Variants in PKD1L1 observed in about 807,000 individuals in gnomAD.
PKD1L1 encodes polycystin-1-like protein 1.
Under a neutral mutation model 323.4 loss-of-function variants are expected in PKD1L1, and 236 were observed. That is an observed-to-expected ratio of 0.73 (90% CI 0.66 to 0.81). The LOEUF (loss-of-function observed/expected upper bound fraction) is 0.81. Ranked by LOEUF, PKD1L1 falls within the 40% of genes least tolerant of loss-of-function variation. PKD1L1 has a pLI of 0.00. For synonymous variants in PKD1L1, 1,344 were observed against 1,335.0 expected, an observed-to-expected ratio of 1.01 and a Z score of -0.15; for missense variants, 3,320 against 3,508.0, an observed-to-expected ratio of 0.95 and a Z score of 1.35.
Position 47,932,030 on chromosome 7 carries a change from A to G in PKD1L1, c.425T>C (p.Ile142Thr), listed in dbSNP as rs755677864. The G allele has an allele frequency of 1.9e-6, 3 of 1,611,860 alleles. No individual in the cohort carries two copies. In the East Asian group the frequency reaches 6.7e-5, roughly 36 times the overall value. Residue 142 changes from isoleucine (I) to threonine (T), a missense_variant, in exon 5 of 57, where the codon ATC becomes ACC. Coordinates refer to ENST00000289672, the MANE Select transcript of PKD1L1 (RefSeq NM_138295.5). ...GCCACCACTGCTCCAGGCCCTTGCG[A>G]TTATAATGAAAGGTTTGTGGGGAAT... is the stretch of plus-strand genomic sequence containing the variant. ...DRIPHKPFII[I>T]ARAWSSGGPR...
chr7:47,783,873 T>C (rs1786750363), intron 56 of PKD1L1, among the ~76,000 whole-genome samples: 1 of 152,180 alleles, frequency 6.6e-6, no homozygotes, highest in Non-Finnish European at 1.5e-5. Context: ...TGGGAAATAA[T>C]TGTAGTTTGC....
chr7:47,960,388 A>AAACAC, the PKD1L1 span, among the ~76,000 whole-genome samples: 3 of 132,304 alleles, frequency 2.3e-5, no homozygotes, highest in African/African-American at 8.0e-5. Flanking sequence ...AAAAAAAAAA[A>AAACAC]AAAAAACTGT....
At chr7:47,852,175 T>C (rs1028992920) in intron 31 of PKD1L1, among the ~76,000 whole-genome samples, 15 of 152,176 alleles carry the variant, frequency 9.9e-5, no homozygotes, top group Admixed American at 3.3e-4. Context: ...CACCCACATG[T>C]GCACACCTGT....
intron 53 of PKD1L1, among the ~76,000 whole-genome samples, chr7:47,801,995 T>C (rs965639248): frequency 6.6e-6 from 1 of 151,832 alleles, no homozygotes; most frequent in African/African-American, 2.4e-5. Flanking sequence ...ATCGAGACCA[T>C]CCTGGCTAAC....
the PKD1L1 span, among the ~76,000 whole-genome samples, chr7:47,960,394 A>AC: frequency 4.4e-5 from 5 of 112,364 alleles, no homozygotes; most frequent in East Asian, 2.8e-4. Flanking sequence ...AAAAAAAAAA[A>AC]CTGTAAAAAA....
chr7:47,884,184 AGGC>A (rs1786629438), intron 19 of PKD1L1, among the ~76,000 whole-genome samples: 2 of 139,272 alleles, frequency 1.4e-5, no homozygotes, highest in African/African-American at 5.4e-5. Context: ...GTTGGGGGGA[AGGC>A]GGGGGGAGTG....
Position 47,939,508 on chromosome 7 carries a change from G to T in PKD1L1, c.285+685C>A, listed in dbSNP as rs143284641. ...ACTCAGAAGTTTTCACTCTTCTCTCGGACCCCACCCACAGATGTGAGAGTC... is the reference window on the plus strand; with the variant it reads ...ACTCAGAAGTTTTCACTCTTCTCTCTGACCCCACCCACAGATGTGAGAGTC... On this transcript the variant is annotated intron_variant, in intron 3 of 56. Transcript: ENST00000289672. Among the ~76,000 whole-genome samples the T allele has an allele frequency of 3.0e-3, 455 of 152,100 alleles. 4 individuals are homozygous for T. Among genetic ancestry groups the T allele is most frequent in the African/African-American group, 0.01 (422 of 41,470 alleles).
intron 21 of PKD1L1, among the ~76,000 whole-genome samples, chr7:47,879,888 G>T (rs1583642584): frequency 1.5e-5 from 1 of 64,656 alleles, no homozygotes; most frequent in South Asian, 4.5e-4. Context: ...AGCCAAGATC[G>T]GGCCACTGCA....
chr7:47,792,525 G>C, intron 56 of PKD1L1, 102 bp downstream of exon 56: 1 of 1,164,522 alleles, frequency 8.6e-7, no homozygotes, highest in South Asian at 1.6e-5. Flanking sequence ...GAATATTTAT[G>C]CAAATGGACC....
chr7:47,857,159 G>T (rs1785923339), intron 28 of PKD1L1, among the ~76,000 whole-genome samples: 1 of 152,192 alleles, frequency 6.6e-6, no homozygotes, highest in African/African-American at 2.4e-5. Flanking sequence ...GAGGATGGGG[G>T]GTAAGCACTG....
chr7:47,941,891 T>C (rs190479651), intron 2 of PKD1L1, among the ~76,000 whole-genome samples: 1 of 152,290 alleles, frequency 6.6e-6, no homozygotes, highest in Admixed American at 6.5e-5. Flanking sequence ...ATAAAGTATG[T>C]CACAAAAGGA....
intron 46 of PKD1L1, among the ~76,000 whole-genome samples, chr7:47,820,496 G>A (rs982383563): frequency 4.6e-5 from 7 of 152,112 alleles, no homozygotes; most frequent in Admixed American, 4.6e-4. Context: ...AGGCCGAGGC[G>A]GGTGGATCAC....
intron 23 of PKD1L1, among the ~76,000 whole-genome samples, chr7:47,875,103 C>A (rs1256115236): frequency 9.9e-5 from 15 of 152,178 alleles, no homozygotes; most frequent in Admixed American, 9.8e-4. Context: ...TCACATAACC[C>A]CGTACGCAGC....
At chr7:47,882,770 G>A (rs1583645787) in intron 19 of PKD1L1, among the ~76,000 whole-genome samples, 1 of 152,274 alleles carries the variant, frequency 6.6e-6, no homozygotes, top group East Asian at 1.9e-4. Context: ...ACAGCCACGG[G>A]CTTTTGTCCT....
At chr7:47,829,671 C>T in intron 43 of PKD1L1, 70 bp from the exon 44 acceptor site, 4 of 1,446,448 alleles carry the variant, frequency 2.8e-6, no homozygotes, top group Non-Finnish European at 3.7e-6. Context: ...GAGCTGTCCT[C>T]CCGTCCCCTA....
intron 21 of PKD1L1, among the ~76,000 whole-genome samples, chr7:47,879,345 T>G (rs1015522620): frequency 2.6e-5 from 4 of 152,142 alleles, no homozygotes; most frequent in Non-Finnish European, 5.9e-5. Context: ...TAAAAATTGT[T>G]GGCTGGGTGC....
At chr7:47,948,951 AAAATG>A (rs1399383522), upstream of PKD1L1, among the ~76,000 whole-genome samples, 20 of 150,316 alleles carry the variant, frequency 1.3e-4, no homozygotes, top group East Asian at 5.9e-4. Flanking sequence ...CCTCAAAAAC[AAAATG>A]AAACAAAACA....
intron 25 of PKD1L1, 115 bp downstream of exon 25, chr7:47,866,304 C>A: frequency 8.8e-7 from 1 of 1,134,192 alleles, no homozygotes; most frequent in South Asian, 1.6e-5. Context: ...CTCTTGGTCT[C>A]ATTTCTTGCC....
rs1422425097 is a variant in PKD1L1 at position 47,853,119 on chromosome 7, T to C, written c.4960+8A>G. On this transcript the variant is annotated splice_region_variant and intron_variant, in intron 31 of 56. Coordinates refer to ENST00000289672, the MANE Select transcript of PKD1L1 (RefSeq NM_138295.5). ...AGAAAGGGAAAATAAGGCGCCCTGT[T>C]CACTGACCTTTCTGAGAAGCAGCAG... 4 of 1,592,714 alleles carry C rather than the reference T, an allele frequency of 2.5e-6. No individual in the cohort carries two copies. The Admixed American group carries it at 6.7e-5, about 27-fold the overall frequency.
Sources: gnomAD v4.1 joint callset for allele counts (sites outside exome capture counted in the v4.1 genomes callset) on GRCh38, gnomAD v4.1.1 for gene constraint, MANE v1.5 for transcripts, NCBI Gene and HGNC (gene_info 2026-07-23, HGNC 2026-07-21) for gene names.